The following FAF1 variants were observed in gnomAD, a reference collection of about 807,000 sequenced individuals.
The protein encoded by FAF1 is Fas associated factor 1.
A neutral mutation model predicts 92.5 loss-of-function variants in FAF1; 25 were observed. That is an observed-to-expected ratio of 0.27 (90% confidence interval 0.20 to 0.38). FAF1 has a LOEUF of 0.38. Ranked by LOEUF, FAF1 falls within the 10% of genes least tolerant of loss-of-function variation. The pLI, the probability that FAF1 is intolerant of heterozygous loss-of-function variation, is 1.00. For synonymous variants in FAF1, 234 were observed against 273.2 expected (o/e 0.86, Z 1.42); for missense variants, 636 against 793.3 (o/e 0.80, Z 2.38).
intron 12 of FAF1, among the ~76,000 whole-genome samples, chr1:50,576,146 C>T (rs551919556): frequency 4.0e-4 from 61 of 152,276 alleles, no homozygotes; most frequent in South Asian, 1.7e-3. Flanking sequence ...TCCAAAACTG[C>T]TTAATGGCAC....
chr1:50,532,764 G>A (rs1412161254), intron 15 of FAF1, among the ~76,000 whole-genome samples: 1 of 151,992 alleles, frequency 6.6e-6, no homozygotes, highest in Non-Finnish European at 1.5e-5. Flanking sequence ...TTGTTAATGT[G>A]GATATATTGG....
At chr1:50,668,293 C>T (rs923593214) in intron 7 of FAF1, among the ~76,000 whole-genome samples, 2 of 152,274 alleles carry the variant, frequency 1.3e-5, no homozygotes, top group Admixed American at 6.5e-5. Flanking sequence ...GCATAACTAA[C>T]GCACCAAAGA....
intron 1 of FAF1, among the ~76,000 whole-genome samples, chr1:50,917,469 C>T (rs186892715): frequency 7.2e-4 from 109 of 152,068 alleles, no homozygotes; most frequent in Admixed American, 1.2e-3. Flanking sequence ...GGGCCTCAAA[C>T]ATAATGCCAG....
intron 15 of FAF1, among the ~76,000 whole-genome samples, chr1:50,517,560 G>A (rs1647263531): frequency 6.6e-6 from 1 of 152,162 alleles, no homozygotes; most frequent in African/African-American, 2.4e-5. Flanking sequence ...ATTGGAAACT[G>A]GCAATAGGTC....
chr1:50,790,331 G>A (rs368336200), intron 3 of FAF1, among the ~76,000 whole-genome samples: 12 of 152,058 alleles, frequency 7.9e-5, no homozygotes, highest in East Asian at 1.9e-4. Context: ...TAGTAGACAC[G>A]GGCTTTCACT....
Position 50,670,581 on chromosome 1 carries a change from A to T in FAF1, c.658-15053T>A, listed in dbSNP as rs116982413. Among the ~76,000 whole-genome samples the T allele has an allele frequency of 5.0e-4, 76 of 152,332 alleles. No homozygotes were observed. The East Asian group carries it at 0.014, about 29-fold the overall frequency. On this transcript the variant is annotated intron_variant, in intron 7 of 18. Transcript: ENST00000396153. ...CTATAAAGGTAGAAATACTGCAGTT[A>T]AATTAATTCTTCAAAATTATACTTT...
At chr1:50,771,295 T>G (rs113040481) in intron 4 of FAF1, among the ~76,000 whole-genome samples, 2,099 of 152,166 alleles carry the variant, frequency 0.014, 45 homozygotes, top group African/African-American at 0.047. Flanking sequence ...CAAAAGAAAC[T>G]ATCAACAGAG....
chr1:50,457,724 C>CAAAAAAAAAAAAA (rs35479561), intron 18 of FAF1, among the ~76,000 whole-genome samples: 34 of 56,548 alleles, frequency 6.0e-4, no homozygotes, highest in African/African-American at 2.2e-3. Flanking sequence ...CCCATCTCTG[C>CAAAAAAAAAAAAA]AAAAAAAAAA....
At position 50,579,784 on chromosome 1, in the gene FAF1, C is replaced by A. The variant is rs114044884; in HGVS notation, c.1113+2834G>T. 3.8e-3 allele frequency among the ~76,000 whole-genome samples: 575 copies of A among 152,154 alleles called. 1 individual carries two copies. Among genetic ancestry groups the A allele is most frequent in the African/African-American group, 0.013 (544 of 41,530 alleles). On this transcript the variant is annotated intron_variant, in intron 12 of 18. Transcript: ENST00000396153. ...GAGGAAAAAATGGGGAGAGATGGTG[C>A]TTGCTTAAAAGGTATTTAAGATATC...
At chr1:50,691,340 T>C (rs1656913806) in intron 7 of FAF1, among the ~76,000 whole-genome samples, 2 of 151,592 alleles carry the variant, frequency 1.3e-5, no homozygotes, top group Non-Finnish European at 2.9e-5. Context: ...TCTCCCGGGT[T>C]CAAGTGATTC....
At chr1:50,825,900 C>T (rs1351089412) in intron 2 of FAF1, among the ~76,000 whole-genome samples, 3 of 152,000 alleles carry the variant, frequency 2.0e-5, no homozygotes, top group African/African-American at 7.2e-5. Flanking sequence ...GAAAATCAAG[C>T]AGTATACCTC....
chr1:50,954,420 T>C (rs1645247140), intron 1 of FAF1, among the ~76,000 whole-genome samples: 1 of 151,972 alleles, frequency 6.6e-6, no homozygotes, highest in South Asian at 2.1e-4. Context: ...CTCATGCCTA[T>C]AATCTCAGCA....
At chr1:50,615,147 C>T (rs1466097861) in intron 8 of FAF1, among the ~76,000 whole-genome samples, 1 of 152,184 alleles carries the variant, frequency 6.6e-6, no homozygotes, top group Non-Finnish European at 1.5e-5. Flanking sequence ...GTTTGGTTGT[C>T]TGTTCGTGCA....
intron 1 of FAF1, among the ~76,000 whole-genome samples, chr1:50,865,754 G>A (rs1207049400): frequency 7.1e-6 from 1 of 140,484 alleles, no homozygotes; most frequent in Non-Finnish European, 1.5e-5. Flanking sequence ...CGAGTTAATG[G>A]GTGCAGCACA....
intron 18 of FAF1, among the ~76,000 whole-genome samples, chr1:50,468,459 AT>A (rs370937786): frequency 0.02 from 2,562 of 130,684 alleles, 54 homozygotes; most frequent in African/African-American, 0.028. Flanking sequence ...CACTTGGCTA[AT>A]TTTTTTTTTT....
At chr1:50,752,021 G>A (rs1347300670) in intron 4 of FAF1, among the ~76,000 whole-genome samples, 1 of 152,068 alleles carries the variant, frequency 6.6e-6, no homozygotes, top group Non-Finnish European at 1.5e-5. Flanking sequence ...CCAGGCTGGA[G>A]TGCAGTGGCA....
At chr1:50,631,088 C>A (rs1253810398) in intron 8 of FAF1, among the ~76,000 whole-genome samples, 2 of 152,014 alleles carry the variant, frequency 1.3e-5, no homozygotes, top group Non-Finnish European at 2.9e-5. Context: ...CAGTGCCCAG[C>A]CTCTATTTTC....
At chr1:50,486,248 AC>A (rs1646767393) in intron 17 of FAF1, among the ~76,000 whole-genome samples, 1 of 152,198 alleles carries the variant, frequency 6.6e-6, no homozygotes, top group Admixed American at 6.5e-5. Flanking sequence ...TTTCTAGAGA[AC>A]CATCAGCAAA....
chr1:50,911,569 T>A (rs1570131222), intron 1 of FAF1, among the ~76,000 whole-genome samples: 2 of 151,716 alleles, frequency 1.3e-5, no homozygotes, highest in Admixed American at 6.6e-5. Flanking sequence ...TGGTGGCACC[T>A]GCCTGTAGTC....
Sources: allele counts gnomAD v4.1 joint callset (sites outside exome capture counted in the v4.1 genomes callset), GRCh38; gene constraint gnomAD v4.1.1; transcripts MANE v1.5; gene names NCBI Gene and HGNC (gene_info 2026-07-23, HGNC 2026-07-21).